ALAS1: variants seen among roughly 807,000 people sequenced by gnomAD.
ALAS1 encodes 5'-aminolevulinate synthase 1.
Under a neutral mutation model 59.6 loss-of-function variants are expected in ALAS1, and 29 were observed. That is an observed-to-expected ratio of 0.49 (90% CI 0.36 to 0.66). The LOEUF is 0.66. Ranked by LOEUF, ALAS1 falls within the 30% of genes least tolerant of loss-of-function variation. ALAS1 has a pLI of 0.00. For missense variants in ALAS1, 690 were observed against 807.5 expected, an observed-to-expected ratio of 0.85 and a Z score of 1.76; for synonymous variants, 299 against 296.6, an observed-to-expected ratio of 1.01 and a Z score of -0.08.
At chr3:52,207,104 C>T (rs183093852) in intron 8 of ALAS1, among the ~76,000 whole-genome samples, 4 of 151,532 alleles carry the variant, frequency 2.6e-5, no homozygotes, top group African/African-American at 7.3e-5. Flanking sequence ...CCTGGGTTCA[C>T]GCCATTCTCC....
chr3:52,198,971 G>C, intron 2 of ALAS1, 123 bp downstream of exon 2: 4 of 991,894 alleles, frequency 4.0e-6, no homozygotes, highest in Non-Finnish European at 5.9e-6. Context: ...GTATTCATTT[G>C]GTGAAGTTGC....
intron 7 of ALAS1, 103 bp from the exon 8 acceptor site, chr3:52,206,469 G>T: frequency 7.7e-7 from 1 of 1,303,616 alleles, no homozygotes; most frequent in Non-Finnish European, 1.1e-6. Flanking sequence ...TTCCTACTAG[G>T]CATTTTCAAA....
chr3:52,213,307 G>C (rs1323473102), intron 11 of ALAS1, among the ~76,000 whole-genome samples: 24 of 152,178 alleles, frequency 1.6e-4, no homozygotes, highest in Admixed American at 1.6e-3. Flanking sequence ...GCGTGGCTCA[G>C]CTTCCTCACA....
chr3:52,210,207 G>A (rs1699377856), intron 9 of ALAS1, among the ~76,000 whole-genome samples: 2 of 152,214 alleles, frequency 1.3e-5, no homozygotes, highest in South Asian at 4.1e-4. Flanking sequence ...TACAAGCACT[G>A]CAGAGCCAGT....
intron 3 of ALAS1, among the ~76,000 whole-genome samples, chr3:52,201,662 G>A (rs1164470123): frequency 2.0e-5 from 3 of 152,166 alleles, no homozygotes; most frequent in African/African-American, 7.2e-5. Context: ...GAGAGCTAAG[G>A]TGAGAGGATC....
intron 9 of ALAS1, among the ~76,000 whole-genome samples, chr3:52,209,232 G>C (rs1699356031): frequency 6.6e-6 from 1 of 151,974 alleles, no homozygotes; most frequent in South Asian, 2.1e-4. Flanking sequence ...TTCCGAGATG[G>C]AGTGTCACTC....
intron 9 of ALAS1, among the ~76,000 whole-genome samples, chr3:52,209,443 G>A (rs899948817): frequency 3.3e-5 from 5 of 152,252 alleles, no homozygotes; most frequent in African/African-American, 9.6e-5. Flanking sequence ...TCCTGACCAC[G>A]TGATCTGCCC....
Position 52,198,847 on chromosome 3 carries a change from A to G in ALAS1, c.-34A>G, listed in dbSNP as rs1243487283. 3.3e-6 allele frequency: 5 copies of G among 1,535,534 alleles called. No individual in the cohort carries two copies. In the South Asian group the frequency reaches 5.9e-5, roughly 18 times the overall value. On this transcript the variant is annotated splice_region_variant and 5_prime_UTR_variant, in exon 2 of 12. Transcript: ENST00000484952. ...GATGAGTGGCTTCTTCTCCACCTAGATGTAAGCCAAGATGTCTTATCTGCA... is the reference window on the plus strand; with the variant it reads ...GATGAGTGGCTTCTTCTCCACCTAGGTGTAAGCCAAGATGTCTTATCTGCA...
intron 4 of ALAS1, among the ~76,000 whole-genome samples, chr3:52,202,963 A>G (rs1050886448): frequency 2.6e-5 from 4 of 152,146 alleles, no homozygotes; most frequent in Non-Finnish European, 5.9e-5. Context: ...TATAGTTACT[A>G]CTTAATTTCT....
intron 3 of ALAS1, among the ~76,000 whole-genome samples, chr3:52,201,941 G>A (rs900012989): frequency 5.9e-5 from 9 of 152,244 alleles, no homozygotes; most frequent in Middle Eastern, 3.4e-3. Context: ...TTGGATTTAT[G>A]ACGAGAAATA....
intron 2 of ALAS1, 24 bp from the exon 3 acceptor site, chr3:52,199,186 A>T (rs769934281): frequency 3.1e-6 from 5 of 1,609,464 alleles, no homozygotes; most frequent in South Asian, 1.1e-5. Flanking sequence ...ATTATTAACA[A>T]CTGTTGATGT....
chr3:52,211,185 G>T, intron 9 of ALAS1, 98 bp from the exon 10 acceptor site: 1 of 1,381,090 alleles, frequency 7.2e-7, no homozygotes, highest in Non-Finnish European at 9.9e-7. Context: ...AAAAGATAAG[G>T]AGAAAAGTCA....
chr3:52,200,237 A>T (rs1577960511), intron 3 of ALAS1, among the ~76,000 whole-genome samples: 1 of 152,098 alleles, frequency 6.6e-6, no homozygotes, highest in Admixed American at 6.6e-5. Flanking sequence ...TGGTACATTC[A>T]TATTGTTGTG....
intron 8 of ALAS1, among the ~76,000 whole-genome samples, chr3:52,207,161 G>A (rs565863280): frequency 2.6e-5 from 4 of 152,088 alleles, no homozygotes; most frequent in South Asian, 4.2e-4. Context: ...CTGCCACCAC[G>A]CCCAGCTAAT....
chr3:52,212,703 G>GT (rs781522016), intron 11 of ALAS1, among the ~76,000 whole-genome samples: 1 of 151,928 alleles, frequency 6.6e-6, no homozygotes, highest in Non-Finnish European at 1.5e-5. Context: ...GGCTGATTTT[G>GT]TATTTTTAGT....
Position 52,208,303 on chromosome 3 carries a change from G to A in ALAS1, c.1330+56G>A, listed in dbSNP as rs574996724. The A allele has an allele frequency of 1.3e-4, 200 of 1,590,024 alleles. 2 individuals carry two copies. In the South Asian group the frequency reaches 2.1e-3, roughly 16 times the overall value. ...ATTCCATTATCCTAACAAGGCCAAG[G>A]ACTAACTAGTCTAACTGGGATCAGG... On this transcript the variant is annotated intron_variant, in intron 9 of 11. Transcript: ENST00000484952.
In ALAS1 at chr3:52,211,522, C is replaced by T; in HGVS notation, c.1570C>T (p.His524Tyr). 6.2e-7 allele frequency: 1 copy of T among 1,614,242 alleles called. No homozygotes were observed. The highest frequency in any genetic ancestry group is 2.2e-5 in the East Asian group (1 of 44,890). The change falls in exon 10 of 12, where the codon CAC becomes TAC. Residue 524 changes from histidine (H) to tyrosine (Y), a missense_variant. His to Tyr is a moderately conservative substitution (Grantham distance 83). Transcript: ENST00000484952. ...MLMDAGLPVV[H>Y]CPSHIIPVRV... ...AATGGATGCCGGCCTCCCTGTTGTC[C>T]ACTGCCCCAGCCACATCATCCCTGT...
intron 4 of ALAS1, among the ~76,000 whole-genome samples, chr3:52,203,573 T>C (rs1699233658): frequency 6.7e-6 from 1 of 149,996 alleles, no homozygotes; most frequent in South Asian, 2.1e-4. Context: ...GAGATTAGGA[T>C]TGGGGTGGGG....
intron 8 of ALAS1, among the ~76,000 whole-genome samples, chr3:52,207,347 AG>A (rs1699315975): frequency 6.6e-6 from 1 of 151,930 alleles, no homozygotes; most frequent in Non-Finnish European, 1.5e-5. Context: ...TGTGTTAGTC[AG>A]GATGGTCTCA....
Sources: gnomAD v4.1 joint callset for allele counts (sites outside exome capture counted in the v4.1 genomes callset) on GRCh38, gnomAD v4.1.1 for gene constraint, MANE v1.5 for transcripts, NCBI Gene and HGNC (gene_info 2026-07-23, HGNC 2026-07-21) for gene names.